Variants in C4orf50 observed in about 807,000 individuals in gnomAD.
The protein encoded by C4orf50 is chromosome 4 open reading frame 50.
A neutral mutation model predicts 77.2 loss-of-function variants in C4orf50; 80 were observed. The ratio of observed to expected loss-of-function variants is 1.04; its 90% CI spans 0.87 to 1.25. The LOEUF is 1.25. C4orf50 is among the 50% of genes most tolerant of loss of function. C4orf50 has a pLI of 0.00. For synonymous variants in C4orf50, 532 were observed against 465.3 expected (o/e 1.14, Z -1.84); for missense variants, 1,257 against 1,152.9 (o/e 1.09, Z -1.31).
rs1044313439 is a variant in C4orf50 at position 5,901,731 on chromosome 4, G to T, written c.*2475-3543C>A. On this transcript the variant is annotated intron_variant, in intron 7 of 7. Transcript: ENST00000324058. The surrounding 1 kb of genome is among the most constrained non-coding windows in gnomAD (Gnocchi z 4.4). ...GGAGTGCTCCATTGGCCTTGCCCAG[G>T]GACCCTGGAAATGACTGAGGGGATA... 2.0e-5 allele frequency: 3 copies of T among 152,324 alleles called. No homozygotes were observed. Among genetic ancestry groups the T allele is most frequent in the Admixed American group, 6.5e-5 (1 of 15,290 alleles). 9.4% of individuals were successfully genotyped at this position (152,324 alleles called of 1,614,324 possible).
At chr4:5,921,705 C>T (rs140449340) in intron 7 of C4orf50, among the ~76,000 whole-genome samples, 7 of 152,168 alleles carry the variant, frequency 4.6e-5, no homozygotes, top group African/African-American at 1.7e-4. Context: ...GGAAAGCTTC[C>T]ATGCAAAGGT....
intron 7 of C4orf50, among the ~76,000 whole-genome samples, chr4:5,912,434 A>G (rs1167576654): frequency 6.6e-6 from 1 of 152,224 alleles, no homozygotes; most frequent in African/African-American, 2.4e-5. Flanking sequence ...GGCCTTTATG[A>G]AGAAAAGGAG....
intron 7 of C4orf50, among the ~76,000 whole-genome samples, chr4:5,939,013 A>C (rs907859330): frequency 6.6e-6 from 1 of 152,052 alleles, no homozygotes; most frequent in African/African-American, 2.4e-5. Flanking sequence ...AGGCCAAGGC[A>C]GGGGGATCAC....
chr4:5,925,998 T>G (rs1717495845), intron 7 of C4orf50, among the ~76,000 whole-genome samples: 1 of 152,100 alleles, frequency 6.6e-6, no homozygotes, highest in South Asian at 2.1e-4. Context: ...GATCGGCAGC[T>G]GAGTCTGCCA....
At position 6,003,875 on chromosome 4, in the gene C4orf50, G is replaced by GTGATGATGGTGA. The variant is rs1202080637; in HGVS notation, c.963+4120_963+4121insTCACCATCATCA. On this transcript the variant is annotated intron_variant, in intron 25 of 33. Transcript: ENST00000531445. Reference sequence around the variant, plus strand: ...GGTGATGATGGTGATGGTGATGATGGTGATGGTGATTATGGTGATGATGTG... The same window carrying GTGATGATGGTGA: ...GGTGATGATGGTGATGGTGATGATGGTGATGATGGTGATGATGGTGATTATGGTGATGATGTG... Among the ~76,000 whole-genome samples the GTGATGATGGTGA allele has an allele frequency of 3.9e-5, 5 of 126,684 alleles. 1 individual carries two copies. The highest frequency in any genetic ancestry group is 1.5e-4 in the African/African-American group (5 of 32,804). The allele number at this position is 126,684 out of a possible 152,430, so 83.1% of individuals were successfully genotyped here.
chr4:5,976,439 G>C (rs1720290778), intron 29 of C4orf50, among the ~76,000 whole-genome samples: 1 of 132,022 alleles, frequency 7.6e-6, no homozygotes, highest in Non-Finnish European at 1.5e-5. Context: ...CTGGGCGAGA[G>C]AGCGAGGCTC....
chr4:6,004,974 C>G lies in C4orf50; in HGVS notation c.963+3022G>C, dbSNP rs147452037. Among the ~76,000 whole-genome samples the G allele has an allele frequency of 2.2e-3, 332 of 152,272 alleles. 2 individuals are homozygous for G. The highest frequency in any genetic ancestry group is 7.0e-3 in the African/African-American group (290 of 41,534). On this transcript the variant is annotated intron_variant, in intron 25 of 33. Coordinates refer to ENST00000531445, the Ensembl canonical transcript of C4orf50. ...TCATCCTCACAACCACACCAGGATGCACTAGTATCATCATCATCCCAGTAT... is the reference window on the plus strand; with the variant it reads ...TCATCCTCACAACCACACCAGGATGGACTAGTATCATCATCATCCCAGTAT...
intron 7 of C4orf50, chr4:5,923,444 G>A (rs1039546704): frequency 6.5e-6 from 1 of 153,484 alleles, no homozygotes; most frequent in Non-Finnish European, 1.5e-5. Context: ...GACTCAGGGA[G>A]GAGGCTTTTG....
intron 7 of C4orf50, among the ~76,000 whole-genome samples, chr4:5,948,793 CAA>C (rs530516177): frequency 4.9e-4 from 51 of 103,796 alleles, no homozygotes; most frequent in Middle Eastern, 5.4e-3. Context: ...ACACCATCTC[CAA>C]AAAAAAAAAA....
intron 7 of C4orf50, among the ~76,000 whole-genome samples, chr4:5,942,326 GA>G (rs1222489055): frequency 2.6e-5 from 4 of 152,340 alleles, no homozygotes; most frequent in African/African-American, 9.6e-5. Flanking sequence ...GGTCATACAG[GA>G]CCCAAAGGGG....
Position 5,980,287 on chromosome 4 carries a change from G to A in C4orf50, c.3751C>T (p.Gln1251Ter), listed in dbSNP as rs779476540. ...GTCAGCACCCGGTGATGGAGCTGCTGGGCCCGCAGCCTGGGATCCTCCTCA... is the reference window on the plus strand; with the variant it reads ...GTCAGCACCCGGTGATGGAGCTGCTAGGCCCGCAGCCTGGGATCCTCCTCA... The change falls in exon 29 of 34, where the codon CAG (glutamine) becomes TAG (stop). Residue 1251 changes from glutamine (Q) to a stop codon, truncating the protein, a stop_gained. Transcript: ENST00000531445. LOFTEE classifies it high-confidence loss of function. 7.4e-6 allele frequency: 12 copies of A among 1,612,864 alleles called. No individual in the cohort carries two copies. Among genetic ancestry groups the A allele is most frequent in the African/African-American group, 4.0e-5 (3 of 74,860 alleles).
At chr4:5,973,410 T>C (rs1239990821) in intron 31 of C4orf50, among the ~76,000 whole-genome samples, 1 of 152,232 alleles carries the variant, frequency 6.6e-6, no homozygotes, top group East Asian at 1.9e-4. Flanking sequence ...TTACAATCAC[T>C]GTTTACGTCT....
chr4:5,983,261 T>C (rs916883833), intron 28 of C4orf50, among the ~76,000 whole-genome samples: 2 of 152,214 alleles, frequency 1.3e-5, no homozygotes, highest in Non-Finnish European at 2.9e-5. Context: ...CTCAAAACCC[T>C]CTGTTGGCTT....
intron 7 of C4orf50, among the ~76,000 whole-genome samples, chr4:5,935,835 C>T (rs922373616): frequency 4.4e-5 from 5 of 114,482 alleles, no homozygotes; most frequent in Admixed American, 8.6e-5. Flanking sequence ...CATTACAAAA[C>T]GCCCAAGAAA....
In C4orf50 at chr4:6,008,073, C is replaced by T. The variant is rs903267858; in HGVS notation, c.886G>A (p.Val296Met). 3 of 399,138 alleles carry T rather than the reference C, an allele frequency of 7.5e-6. No homozygotes were observed. Among genetic ancestry groups the T allele is most frequent in the Non-Finnish European group, 1.3e-5 (3 of 226,248 alleles). 24.7% of individuals were successfully genotyped at this position (399,138 alleles called of 1,614,324 possible). ...TGGTTTTGCTGGGCGAGGTCCTCCA[C>T]CTGGCCCTGCAGGCCAATCTCTGAC... is the stretch of plus-strand genomic sequence containing the variant. The change falls in exon 25 of 34, where the codon GTG becomes ATG. Residue 296 changes from valine (V) to methionine (M), a missense_variant. Transcript: ENST00000531445. This position sits in a 1 kb window ranked among gnomAD's most constrained non-coding sequence, Gnocchi z 6.0.
rs1346563388 is a variant in C4orf50, at chr4:6,007,911, T to C, written c.963+85A>G. The C allele has an allele frequency of 2.5e-6, 1 of 398,532 alleles. No individual in the cohort carries two copies. Among genetic ancestry groups the C allele is most frequent in the Non-Finnish European group, 4.4e-6 (1 of 226,196 alleles). The allele number at this position is 398,532 out of a possible 1,614,324, so 24.7% of individuals were successfully genotyped here. A position where few individuals can be genotyped will look rare whatever the true frequency, so the allele number is the denominator to read the frequency against. On this transcript the variant is annotated intron_variant, in intron 25 of 33. Coordinates refer to ENST00000531445, the Ensembl canonical transcript of C4orf50. The surrounding 1 kb of genome is among the most constrained non-coding windows in gnomAD (Gnocchi z 4.1). ...GCTGTAGGAAGAGGAGCCCGGGGAA[T>C]GGATGGGCCAATGACTTCACCAAGT...
At chr4:6,004,167 A>ATGATGGTTTTGATGG (rs1722060919) in intron 25 of C4orf50, among the ~76,000 whole-genome samples, 2 of 100,498 alleles carry the variant, frequency 2.0e-5, no homozygotes, top group African/African-American at 8.4e-5. Context: ...GATGATAGTG[A>ATGATGGTTTTGATGG]TGATGGTGAT....
At chr4:5,994,133 C>T (rs1246189455) in intron 26 of C4orf50, among the ~76,000 whole-genome samples, 1 of 152,218 alleles carries the variant, frequency 6.6e-6, no homozygotes, top group African/African-American at 2.4e-5. Context: ...GAGCCAAAGG[C>T]CCCTGGTGGG....
At chr4:5,976,918 G>A (rs1265087525) in intron 29 of C4orf50, among the ~76,000 whole-genome samples, 1 of 152,250 alleles carries the variant, frequency 6.6e-6, no homozygotes, top group Non-Finnish European at 1.5e-5. Flanking sequence ...TTGACTCATA[G>A]AATGCAGTGG....
Sources: allele counts gnomAD v4.1 joint callset (sites outside exome capture counted in the v4.1 genomes callset), GRCh38; gene constraint gnomAD v4.1.1; non-coding constraint Gnocchi (gnomAD v3.1); transcripts MANE v1.5; gene names NCBI Gene and HGNC (gene_info 2026-07-23, HGNC 2026-07-21).